Variants in CFI observed in about 807,000 individuals in gnomAD.
The protein encoded by CFI is complement factor I, also known as C3B/C4B inactivator.
In CFI, 66 loss-of-function variants were observed where a neutral mutation model predicts 78.8. The ratio of observed to expected loss-of-function variants is 0.84; its 90% CI spans 0.69 to 1.03. CFI has a LOEUF of 1.03. CFI is among the 50% of genes least tolerant of loss of function. The probability of loss-of-function intolerance (pLI) is 0.00; values close to 1 mark genes in which losing one functional copy is unlikely to be tolerated. For missense variants in CFI, 706 were observed against 704.5 expected (o/e 1.00, Z -0.02); for synonymous variants, 250 against 232.6 (o/e 1.07, Z -0.68).
At chr4:109,750,018 A>G (rs1724951175) in intron 8 of CFI, among the ~76,000 whole-genome samples, 1 of 151,512 alleles carries the variant, frequency 6.6e-6, no homozygotes, top group Non-Finnish European at 1.5e-5. Context: ...TTTTTTTGAG[A>G]TGGAGTCTCA....
At chr4:109,783,328 G>A (rs901696131) in intron 1 of CFI, among the ~76,000 whole-genome samples, 1 of 151,764 alleles carries the variant, frequency 6.6e-6, no homozygotes, top group Non-Finnish European at 1.5e-5. Context: ...ATACAAATCA[G>A]TAAGAAAAAA....
Position 109,760,523 on chromosome 4 carries a change from C to T in CFI, c.772G>A (p.Ala258Thr), listed in dbSNP as rs199688124. The T allele has an allele frequency of 1.1e-4, 178 of 1,567,416 alleles. No individual in the cohort carries two copies. The highest frequency in any genetic ancestry group is 1.5e-4 in the Non-Finnish European group (166 of 1,137,654). The change falls in exon 5 of 13, where the codon GCA (alanine) becomes ACA (threonine). Residue 258 changes from alanine to threonine, a missense_variant and splice_region_variant. Transcript: ENST00000394634. Reference protein sequence around the residue: ...GDQSDELCCKACQGKGFHCKS... With the variant: ...GDQSDELCCKTCQGKGFHCKS... Reference sequence around the variant, plus strand: ...ATTTAGAGGCTAGATTTATGTCTACCTTTACAACACAGTTCATCACTTTGG... The same window carrying T: ...ATTTAGAGGCTAGATTTATGTCTACTTTTACAACACAGTTCATCACTTTGG...
intron 4 of CFI, 105 bp from the exon 5 acceptor site, chr4:109,760,741 CA>C: frequency 8.2e-6 from 6 of 733,890 alleles, no homozygotes; most frequent in Admixed American, 4.0e-5. Context: ...AGTTAAACTT[CA>C]AAAAAATGTA....
chr4:109,796,556 C>A (rs1465421136), intron 1 of CFI, among the ~76,000 whole-genome samples: 1 of 152,188 alleles, frequency 6.6e-6, no homozygotes, highest in Non-Finnish European at 1.5e-5. Context: ...TTTCCCAGTG[C>A]TTTGAGAGGC....
At position 109,760,357 on chromosome 4, in the gene CFI, A is replaced by G. The variant is rs1561301369; in HGVS notation, c.796T>C (p.Cys266Arg). The G allele has an allele frequency of 6.2e-7, 1 of 1,614,124 alleles. No homozygotes were observed. The highest frequency in any genetic ancestry group is 8.5e-7 in the Non-Finnish European group (1 of 1,179,964). ...CTTGGAATGCAAACACCCGATTTGCAATGGAAGCCTTTGCCTTGGCATGCT... is the reference window on the plus strand; with the variant it reads ...CTTGGAATGCAAACACCCGATTTGCGATGGAAGCCTTTGCCTTGGCATGCT... ...CKACQGKGFH[C>R]KSGVCIPSQY... The change falls in exon 6 of 13, where the codon TGC (cysteine) becomes CGC (arginine). Residue 266 changes from cysteine to arginine, a missense_variant. By Grantham distance (180) the Cys-to-Arg change is radical. Transcript: ENST00000394634.
chr4:109,776,211 C>T (rs969805599), intron 1 of CFI, among the ~76,000 whole-genome samples: 7 of 152,070 alleles, frequency 4.6e-5, no homozygotes, highest in African/African-American at 1.4e-4. Context: ...CGCAAAGAAG[C>T]TAAAAACCTT....
intron 1 of CFI, among the ~76,000 whole-genome samples, chr4:109,786,178 C>T (rs1350616690): frequency 6.6e-6 from 1 of 151,962 alleles, no homozygotes; most frequent in African/African-American, 2.4e-5. Context: ...TTACAAGTGC[C>T]TGCCACCATG....
At chr4:109,769,817 G>T (rs1728333954) in intron 1 of CFI, among the ~76,000 whole-genome samples, 1 of 152,132 alleles carries the variant, frequency 6.6e-6, no homozygotes, top group Admixed American at 6.5e-5. Context: ...CTGCCCTGCT[G>T]CCTACCATTG....
chr4:109,763,661 G>A (rs1727362439), intron 3 of CFI, among the ~76,000 whole-genome samples: 1 of 151,948 alleles, frequency 6.6e-6, no homozygotes, highest in Non-Finnish European at 1.5e-5. Context: ...TCTAAACAGA[G>A]CAGCTAATTC....
intron 1 of CFI, among the ~76,000 whole-genome samples, chr4:109,768,286 A>G (rs1371354662): frequency 1.3e-5 from 2 of 150,866 alleles, no homozygotes; most frequent in Non-Finnish European, 3.0e-5. Context: ...TACAAAAAAA[A>G]AAAAAAAAAA....
chr4:109,792,668 T>C (rs1400510279), intron 1 of CFI, among the ~76,000 whole-genome samples: 2 of 152,236 alleles, frequency 1.3e-5, no homozygotes, highest in Non-Finnish European at 2.9e-5. Flanking sequence ...TATTGTTTAG[T>C]GTATAATATT....
chr4:109,754,382 G>C (rs1325546112), intron 7 of CFI, among the ~76,000 whole-genome samples: 1 of 143,460 alleles, frequency 7.0e-6, no homozygotes, highest in Admixed American at 7.2e-5. Flanking sequence ...ACAGGTATGG[G>C]TTAGCATTAG....
intron 12 of CFI, among the ~76,000 whole-genome samples, chr4:109,741,568 A>G (rs1723797566): frequency 6.6e-6 from 1 of 152,198 alleles, no homozygotes; most frequent in Non-Finnish European, 1.5e-5. Context: ...CTAAGGTCAC[A>G]CAGCTAACAA....
rs796932876 is a variant in CFI, at chr4:109,753,022, A to G, written c.905-519T>C. On this transcript the variant is annotated intron_variant, in intron 7 of 12. Coordinates refer to ENST00000394634, the MANE Select transcript of CFI (RefSeq NM_000204.5). ...TATATTTATTATATATTTATTATAT[A>G]AATAAATATTTATAATATATATTTA... Among the ~76,000 whole-genome samples, 178 of 37,060 alleles carry G rather than the reference A, an allele frequency of 4.8e-3. 3 individuals are homozygous for G. The highest frequency in any genetic ancestry group is 0.02 in the African/African-American group (139 of 6,992). The allele number at this position is 37,060 out of a possible 152,430, so 24.3% of individuals were successfully genotyped here.
At chr4:109,781,178 C>A (rs1456394442) in intron 1 of CFI, among the ~76,000 whole-genome samples, 7 of 151,444 alleles carry the variant, frequency 4.6e-5, no homozygotes, top group Non-Finnish European at 8.8e-5. Flanking sequence ...TCTTTTTGAC[C>A]CAATGAAATT....
At chr4:109,798,840 T>C (rs1460266687) in intron 1 of CFI, among the ~76,000 whole-genome samples, 1 of 151,848 alleles carries the variant, frequency 6.6e-6, no homozygotes, top group African/African-American at 2.4e-5. Flanking sequence ...CTTTGACTTA[T>C]ATTCAGCTAG....
intron 1 of CFI, among the ~76,000 whole-genome samples, chr4:109,785,240 T>C (rs1246990329): frequency 6.6e-6 from 1 of 152,124 alleles, no homozygotes; most frequent in East Asian, 1.9e-4. Flanking sequence ...TTTGGTGGTC[T>C]CTTCACACAG....
At chr4:109,770,884 T>C (rs931556917) in intron 1 of CFI, among the ~76,000 whole-genome samples, 7 of 152,152 alleles carry the variant, frequency 4.6e-5, no homozygotes, top group Admixed American at 3.3e-4. Context: ...GGGGACCTAG[T>C]ACCTCTGAAG....
intron 11 of CFI, among the ~76,000 whole-genome samples, chr4:109,745,209 G>A (rs1234030382): frequency 6.6e-6 from 1 of 152,094 alleles, no homozygotes; most frequent in Non-Finnish European, 1.5e-5. Flanking sequence ...TTGAGACAGA[G>A]TCTCGCTCTG....
Sources: gnomAD v4.1 joint callset for allele counts (sites outside exome capture counted in the v4.1 genomes callset) on GRCh38, gnomAD v4.1.1 for gene constraint, MANE v1.5 for transcripts, NCBI Gene and HGNC (gene_info 2026-07-23, HGNC 2026-07-21) for gene names.